The following CFAP61 variants were observed in gnomAD, a reference collection of about 807,000 sequenced individuals.
The protein encoded by CFAP61 is cilia and flagella associated protein 61, also known as cilia- and flagella-associated protein 61.
Under a neutral mutation model 135.6 loss-of-function variants are expected in CFAP61, and 107 were observed. The observed-to-expected ratio is 0.79, with a 90% confidence interval of 0.67 to 0.93. The LOEUF is 0.93. Ranked by LOEUF, CFAP61 falls within the 40% of genes least tolerant of loss-of-function variation. CFAP61 has a pLI of 0.00. For missense variants in CFAP61, 1,507 were observed against 1,556.2 expected (o/e 0.97, Z 0.53); for synonymous variants, 575 against 578.5 (o/e 0.99, Z 0.09).
intron 18 of CFAP61, among the ~76,000 whole-genome samples, chr20:20,237,491 C>T (rs916067288): frequency 1.3e-5 from 2 of 152,220 alleles, no homozygotes; most frequent in Non-Finnish European, 2.9e-5. Context: ...ACTGCCCACT[C>T]CCTTCTAGAT....
chr20:20,069,701 A>G (rs891079151), intron 2 of CFAP61: 8 of 455,130 alleles, frequency 1.8e-5, no homozygotes, highest in Admixed American at 2.4e-5. Context: ...AGGTGGGATT[A>G]AAAGTGATTT....
At chr20:20,174,395 C>T (rs939806680) in intron 13 of CFAP61, among the ~76,000 whole-genome samples, 2 of 152,192 alleles carry the variant, frequency 1.3e-5, no homozygotes, top group Non-Finnish European at 2.9e-5. Context: ...GGAAGACATC[C>T]CTCGAAACCC....
intron 15 of CFAP61, among the ~76,000 whole-genome samples, chr20:20,194,222 G>C (rs2146881256): frequency 6.6e-6 from 1 of 152,100 alleles, no homozygotes; most frequent in Non-Finnish European, 1.5e-5. Context: ...ATTCTTCAGT[G>C]TCTCTAAACA....
At chr20:20,246,557 C>T (rs1041021527) in intron 19 of CFAP61, among the ~76,000 whole-genome samples, 3 of 152,172 alleles carry the variant, frequency 2.0e-5, no homozygotes, top group African/African-American at 7.2e-5. Context: ...TGACAGGGCG[C>T]CTGGCTGGGA....
At chr20:20,322,672 C>G (rs1049651921) in intron 25 of CFAP61, 2 of 985,218 alleles carry the variant, frequency 2.0e-6, no homozygotes, top group African/African-American at 3.5e-5. Context: ...CCAGCAGAAA[C>G]AGTTACCAAG....
intron 15 of CFAP61, among the ~76,000 whole-genome samples, chr20:20,194,784 C>T (rs1177022203): frequency 6.6e-6 from 1 of 152,150 alleles, no homozygotes. Flanking sequence ...CTCCAGGTGA[C>T]CCAAGGTAAG....
intron 25 of CFAP61, among the ~76,000 whole-genome samples, chr20:20,299,982 T>C (rs984498530): frequency 6.6e-6 from 1 of 152,224 alleles, no homozygotes; most frequent in Non-Finnish European, 1.5e-5. Context: ...ACGTGCCACA[T>C]AAACACGTTC....
At chr20:20,304,559 G>A (rs1281339998) in intron 25 of CFAP61, among the ~76,000 whole-genome samples, 1 of 149,910 alleles carries the variant, frequency 6.7e-6, no homozygotes, top group African/African-American at 2.5e-5. Context: ...CACTCACAAT[G>A]TACACTCACT....
At chr20:20,104,429 A>G (rs540476361) in intron 8 of CFAP61, among the ~76,000 whole-genome samples, 20 of 152,308 alleles carry the variant, frequency 1.3e-4, no homozygotes, top group Admixed American at 2.6e-4. Context: ...TGGCTACATT[A>G]AGTCTTATTG....
At chr20:20,147,263 A>G (rs2051971200) in intron 9 of CFAP61, among the ~76,000 whole-genome samples, 1 of 152,204 alleles carries the variant, frequency 6.6e-6, no homozygotes, top group African/African-American at 2.4e-5. Context: ...GTAGACACCT[A>G]GTAGTGGGAT....
intron 17 of CFAP61, among the ~76,000 whole-genome samples, chr20:20,218,230 A>C (rs2048166918): frequency 6.6e-6 from 1 of 152,142 alleles, no homozygotes; most frequent in Non-Finnish European, 1.5e-5. Context: ...TAATTGAATC[A>C]TGGGGACTGG....
At chr20:20,113,553 A>G (rs914091578) in intron 8 of CFAP61, among the ~76,000 whole-genome samples, 1 of 152,210 alleles carries the variant, frequency 6.6e-6, no homozygotes, top group Non-Finnish European at 1.5e-5. Context: ...TAATTTTGAC[A>G]TGGGACAATG....
At chr20:20,218,389 T>G (rs2048178763) in intron 17 of CFAP61, among the ~76,000 whole-genome samples, 1 of 152,200 alleles carries the variant, frequency 6.6e-6, no homozygotes, top group African/African-American at 2.4e-5. Context: ...TGTGAGACCT[T>G]CCCCAGCCAC....
In CFAP61 at chr20:20,290,404, T is replaced by C; in HGVS notation, c.3216+13T>C. The stretch of plus-strand genomic sequence containing the variant: ...ACAGCCTAATTATGTAAGTATTATT[T>C]CTGAATTTCATTTTACTTTCAAATA... On this transcript the variant is annotated intron_variant, in intron 24 of 26. Transcript: ENST00000245957. 3 of 1,526,278 alleles carry C rather than the reference T, an allele frequency of 2.0e-6. No homozygotes were observed. Among genetic ancestry groups the C allele is most frequent in the Non-Finnish European group, 2.7e-6 (3 of 1,101,310 alleles). The allele number at this position is 1,526,278 out of a possible 1,614,324, so 94.5% of individuals were successfully genotyped here.
intron 25 of CFAP61, among the ~76,000 whole-genome samples, chr20:20,327,971 C>T (rs1010324299): frequency 1.3e-5 from 2 of 152,106 alleles, no homozygotes; most frequent in Admixed American, 6.6e-5. Flanking sequence ...CAGTCTTGGG[C>T]GTCAACACCC....
At chr20:20,082,495 CTTAA>C (rs1371220389) in intron 6 of CFAP61, among the ~76,000 whole-genome samples, 4 of 152,172 alleles carry the variant, frequency 2.6e-5, no homozygotes, top group African/African-American at 9.7e-5. Flanking sequence ...CTACAGTGGG[CTTAA>C]TTAATCATCC....
At chr20:20,121,062 G>A (rs1460177643) in intron 8 of CFAP61, among the ~76,000 whole-genome samples, 1 of 147,374 alleles carries the variant, frequency 6.8e-6, no homozygotes, top group Non-Finnish European at 1.5e-5. Flanking sequence ...GTTGGGTCTT[G>A]CTTCTTTATC....
intron 14 of CFAP61, among the ~76,000 whole-genome samples, 156 bp from the exon 15 acceptor site, chr20:20,191,185 AG>A (rs1167507203): frequency 7.9e-5 from 12 of 152,098 alleles, no homozygotes; most frequent in African/African-American, 1.7e-4. Context: ...CGGTGGACAT[AG>A]GGAAGGCGTT....
intron 19 of CFAP61, among the ~76,000 whole-genome samples, chr20:20,248,202 C>CACAGCCAG (rs1402563545): frequency 2.0e-5 from 3 of 152,190 alleles, no homozygotes; most frequent in Admixed American, 6.5e-5. Flanking sequence ...GTCTAAATAA[C>CACAGCCAG]ACAGCCAGAC....
Sources: allele counts gnomAD v4.1 joint callset (sites outside exome capture counted in the v4.1 genomes callset), GRCh38; gene constraint gnomAD v4.1.1; transcripts MANE v1.5; gene names NCBI Gene and HGNC (gene_info 2026-07-23, HGNC 2026-07-21).